Variants in HTR2A observed in about 807,000 individuals in gnomAD.
The protein encoded by HTR2A is 5-hydroxytryptamine receptor 2A, also known as 5-HT2 receptor.
Under a neutral mutation model 31.0 loss-of-function variants are expected in HTR2A, and 14 were observed. The observed-to-expected ratio is 0.45, with a 90% confidence interval of 0.30 to 0.71. The LOEUF is 0.71. HTR2A is among the 30% of genes least tolerant of loss of function. HTR2A has a pLI of 0.09. For missense variants in HTR2A, 442 were observed against 573.3 expected (o/e 0.77, Z 2.34); for synonymous variants, 209 against 225.2 (o/e 0.93, Z 0.64).
chr13:46,861,042 T>C lies in HTR2A; in HGVS notation c.614-25403A>G, dbSNP rs1268791074. Reference sequence around the variant, plus strand: ...TACTTAAAATTAGACTCACCAGATGTTTTTGTTGTAGGCAGGAATGGAAAG... The same window carrying C: ...TACTTAAAATTAGACTCACCAGATGCTTTTGTTGTAGGCAGGAATGGAAAG... On this transcript the variant is annotated intron_variant, in intron 3 of 3. Coordinates refer to ENST00000542664, the MANE Select transcript of HTR2A (RefSeq NM_000621.5). Among the ~76,000 whole-genome samples, 3 of 152,288 alleles carry C rather than the reference T, an allele frequency of 2.0e-5. No homozygotes were observed. In the East Asian group the frequency reaches 5.8e-4, roughly 29 times the overall value.
rs563709921 is a variant in HTR2A at position 46,831,840 on chromosome 13, T to C, written c.*2997A>G. 2 of 152,364 alleles carry C rather than the reference T, an allele frequency of 1.3e-5. No homozygotes were observed. Among genetic ancestry groups the C allele is most frequent in the South Asian group, 2.1e-4 (1 of 4,832 alleles). 9.4% of individuals were successfully genotyped at this position (152,364 alleles called of 1,614,324 possible). A position where few individuals can be genotyped will look rare whatever the true frequency, so the allele number is the denominator to read the frequency against. On this transcript the variant is annotated 3_prime_UTR_variant, in exon 4 of 4. Transcript: ENST00000542664. ...TATGCTTTAAACAGTTTTCCCTAAT[T>C]ATGGCAGTTAATTGCTTTTTTTTGA...
At chr13:46,884,527 G>T (rs1356585556) in intron 3 of HTR2A, among the ~76,000 whole-genome samples, 1 of 152,132 alleles carries the variant, frequency 6.6e-6, no homozygotes, top group Non-Finnish European at 1.5e-5. Flanking sequence ...AGCTGGGAGT[G>T]GTGGTGCATA....
At chr13:46,858,664 C>T (rs377728193) in intron 3 of HTR2A, among the ~76,000 whole-genome samples, 57 of 152,220 alleles carry the variant, frequency 3.7e-4, no homozygotes, top group African/African-American at 1.3e-3. Context: ...GTCAAAAGAT[C>T]AAGTCCTAAA....
At chr13:46,872,875 G>GT in intron 3 of HTR2A, among the ~76,000 whole-genome samples, 1 of 152,230 alleles carries the variant, frequency 6.6e-6, no homozygotes, top group South Asian at 2.1e-4. Flanking sequence ...CTGAGAATAT[G>GT]TATTTCCCAG....
intron 3 of HTR2A, among the ~76,000 whole-genome samples, chr13:46,840,827 G>A (rs191749824): frequency 3.5e-4 from 53 of 152,184 alleles, no homozygotes; most frequent in Non-Finnish European, 5.7e-4. Context: ...CCTTAGATGG[G>A]CAGAAAAATT....
chr13:46,895,366 G>A lies in HTR2A; in HGVS notation c.412+129C>T, dbSNP rs1487121881. 5 of 754,876 alleles carry A rather than the reference G, an allele frequency of 6.6e-6. No individual in the cohort carries two copies. The highest frequency in any genetic ancestry group is 1.1e-5 in the Non-Finnish European group (5 of 472,796). The allele number at this position is 754,876 out of a possible 1,614,324, so 46.8% of individuals were successfully genotyped here. On this transcript the variant is annotated intron_variant, in intron 2 of 3. Transcript: ENST00000542664. This position sits in a 1 kb window ranked among gnomAD's most constrained non-coding sequence, Gnocchi z 4.4. ...GAGTAAAATATAAGTAACATAGTAGGCTCTAGTCTATAAACAAAGACTTCT... is the reference window on the plus strand; with the variant it reads ...GAGTAAAATATAAGTAACATAGTAGACTCTAGTCTATAAACAAAGACTTCT...
chr13:46,841,957 T>G (rs1253077175), intron 3 of HTR2A, among the ~76,000 whole-genome samples: 1 of 152,174 alleles, frequency 6.6e-6, no homozygotes, highest in Non-Finnish European at 1.5e-5. Flanking sequence ...AACCAGAGCC[T>G]TGTTTTGTTG....
At chr13:46,883,649 T>C (rs781721477) in intron 3 of HTR2A, among the ~76,000 whole-genome samples, 3 of 152,134 alleles carry the variant, frequency 2.0e-5, no homozygotes, top group Non-Finnish European at 4.4e-5. Context: ...GAAGGGTCCA[T>C]GAGAAAAGAA....
chr13:46,860,224 A>C (rs1245229517), intron 3 of HTR2A, among the ~76,000 whole-genome samples: 2 of 152,188 alleles, frequency 1.3e-5, no homozygotes, highest in Non-Finnish European at 2.9e-5. Context: ...AATGTTTTGA[A>C]GGTCATACCT....
chr13:46,888,510 T>G (rs539827999), intron 3 of HTR2A, among the ~76,000 whole-genome samples: 124 of 149,854 alleles, frequency 8.3e-4, no homozygotes, highest in African/African-American at 2.8e-3. Context: ...AATTCTATAC[T>G]GAACAAAAAT....
At chr13:46,849,212 C>T (rs1290914026) in intron 3 of HTR2A, among the ~76,000 whole-genome samples, 1 of 152,198 alleles carries the variant, frequency 6.6e-6, no homozygotes, top group Non-Finnish European at 1.5e-5. Context: ...AAAAGACTCA[C>T]CAGCATTCTA....
At position 46,848,151 on chromosome 13, in the gene HTR2A, A is replaced by G. The variant is rs2138196015; in HGVS notation, c.614-12512T>C. Reference sequence around the variant, plus strand: ...AGATTTCATTTACTCCATCTCCTAAAAAGTTGTACATACCCTGAAACATTA... The same window carrying G: ...AGATTTCATTTACTCCATCTCCTAAGAAGTTGTACATACCCTGAAACATTA... On this transcript the variant is annotated intron_variant, in intron 3 of 3. Coordinates refer to ENST00000542664, the MANE Select transcript of HTR2A (RefSeq NM_000621.5). Among the ~76,000 whole-genome samples, 2 of 152,258 alleles carry G rather than the reference A, an allele frequency of 1.3e-5. 1 individual carries two copies. The highest frequency in any genetic ancestry group is 6.8e-3 in the Middle Eastern group (2 of 294).
chr13:46,862,957 T>C (rs1472083628), intron 3 of HTR2A, among the ~76,000 whole-genome samples: 1 of 152,240 alleles, frequency 6.6e-6, no homozygotes, highest in African/African-American at 2.4e-5. Context: ...ATCCTCAAGA[T>C]ACCTCAAGGA....
At chr13:46,873,499 C>T (rs981007154) in intron 3 of HTR2A, among the ~76,000 whole-genome samples, 1 of 148,424 alleles carries the variant, frequency 6.7e-6, no homozygotes. Context: ...CACAATGTGC[C>T]GGTTAGTTAC....
At position 46,837,518 on chromosome 13, in the gene HTR2A, T is replaced by C. The variant is rs138724512; in HGVS notation, c.614-1879A>G. 2.8e-4 allele frequency among the ~76,000 whole-genome samples: 42 copies of C among 152,282 alleles called. 1 individual carries two copies. Among genetic ancestry groups the C allele is most frequent in the African/African-American group, 9.1e-4 (38 of 41,560 alleles). On this transcript the variant is annotated intron_variant, in intron 3 of 3. Transcript: ENST00000542664. ...GCCCATATTATCAGCACACTCAGAA[T>C]TGTAGAACAAAGAGTGTTGTGGTTA...
chr13:46,845,961 A>G (rs1216559197), intron 3 of HTR2A, among the ~76,000 whole-genome samples: 1 of 152,242 alleles, frequency 6.6e-6, no homozygotes, highest in Non-Finnish European at 1.5e-5. Context: ...ATGTTTAAAT[A>G]CACAACTACC....
intron 3 of HTR2A, among the ~76,000 whole-genome samples, chr13:46,874,778 G>C (rs1950893925): frequency 6.6e-6 from 1 of 152,250 alleles, no homozygotes; most frequent in Non-Finnish European, 1.5e-5. Context: ...AAATGTGTTG[G>C]AGAGTTAGTG....
rs150204593 is a variant in HTR2A, at chr13:46,836,909, G to A, written c.614-1270C>T. On this transcript the variant is annotated intron_variant, in intron 3 of 3. Coordinates refer to ENST00000542664, the MANE Select transcript of HTR2A (RefSeq NM_000621.5). ...TTCAAATTTCCAATTGTCCCATAAA[G>A]GTTGTTCTATGTTTTTAGTAGTAGA... is the stretch of plus-strand genomic sequence containing the variant. Among the ~76,000 whole-genome samples, 915 of 152,136 alleles carry A rather than the reference G, an allele frequency of 6.0e-3. 15 individuals are homozygous for A. Among genetic ancestry groups the A allele is most frequent in the South Asian group, 0.047 (229 of 4,824 alleles).
chr13:46,851,334 G>A (rs1272190397), intron 3 of HTR2A, among the ~76,000 whole-genome samples: 1 of 152,170 alleles, frequency 6.6e-6, no homozygotes, highest in Non-Finnish European at 1.5e-5. Context: ...ATAAGAAAAT[G>A]CAGGAAAAAG....
Sources: gnomAD v4.1 joint callset for allele counts (sites outside exome capture counted in the v4.1 genomes callset) on GRCh38, gnomAD v4.1.1 for gene constraint, Gnocchi (gnomAD v3.1) non-coding constraint, MANE v1.5 for transcripts, NCBI Gene and HGNC (gene_info 2026-07-23, HGNC 2026-07-21) for gene names.